The following PRKG1 variants were observed in gnomAD, a reference collection of about 807,000 sequenced individuals.
The protein encoded by PRKG1 is protein kinase cGMP-dependent 1, also known as cGMP-dependent protein kinase 1.
A neutral mutation model predicts 88.1 loss-of-function variants in PRKG1; 35 were observed. The ratio of observed to expected loss-of-function variants is 0.40; its 90% CI spans 0.30 to 0.53. The LOEUF (loss-of-function observed/expected upper bound fraction) is 0.53. Among genes scored for constraint, PRKG1 ranks in the 20% least tolerant of loss-of-function variants. The pLI is 0.59. For missense variants in PRKG1, 540 were observed against 839.8 expected, an observed-to-expected ratio of 0.64 and a Z score of 4.41; for synonymous variants, 303 against 292.5, an observed-to-expected ratio of 1.04 and a Z score of -0.37.
chr10:51,891,758 T>C (rs1841727648), intron 4 of PRKG1, among the ~76,000 whole-genome samples: 1 of 152,192 alleles, frequency 6.6e-6, no homozygotes, highest in African/African-American at 2.4e-5. Context: ...AAAGCAGACA[T>C]AGATAATACA....
intron 3 of PRKG1, among the ~76,000 whole-genome samples, chr10:51,774,536 T>A (rs1349679578): frequency 6.6e-6 from 1 of 152,122 alleles, no homozygotes; most frequent in Non-Finnish European, 1.5e-5. Context: ...GTAATGGGTT[T>A]TTTTAAGAGT....
chr10:52,117,173 T>TGTGTGTGC (rs891460166), intron 7 of PRKG1, among the ~76,000 whole-genome samples: 10 of 147,086 alleles, frequency 6.8e-5, no homozygotes, highest in African/African-American at 2.5e-4. Context: ...TCTGTGTGTG[T>TGTGTGTGC]GTGTGTGTGT....
intron 1 of PRKG1, among the ~76,000 whole-genome samples, chr10:50,996,018 C>G (rs1052916027): frequency 1.1e-4 from 16 of 152,248 alleles, no homozygotes; most frequent in African/African-American, 3.9e-4. Flanking sequence ...CTTATATAAG[C>G]AAGGTCAATG....
chr10:51,922,085 TGATA>T (rs1209819678), intron 5 of PRKG1, among the ~76,000 whole-genome samples: 1 of 151,936 alleles, frequency 6.6e-6, no homozygotes, highest in Non-Finnish European at 1.5e-5. Context: ...TTAGTTTCTT[TGATA>T]GATAAAGGAC....
At chr10:52,157,874 G>A (rs1276949655) in intron 8 of PRKG1, among the ~76,000 whole-genome samples, 1 of 151,352 alleles carries the variant, frequency 6.6e-6, no homozygotes, top group African/African-American at 2.4e-5. Context: ...AAACATGAAA[G>A]GGATTTCCCA....
At position 52,054,567 on chromosome 10, in the gene PRKG1, C is replaced by G. The variant is rs2133254762; in HGVS notation, c.840+6C>G. ...TTATCATCAGCAAAGGAACGGTAAG[C>G]TTTGGTGGCACAAGACAGTGATGCA... On this transcript the variant is annotated splice_donor_region_variant and intron_variant, in intron 6 of 17. Coordinates refer to ENST00000373980, the MANE Select transcript of PRKG1 (RefSeq NM_006258.4). 1 of 1,613,046 alleles carries G rather than the reference C, an allele frequency of 6.2e-7. No homozygotes were observed. The highest frequency in any genetic ancestry group is 8.5e-7 in the Non-Finnish European group (1 of 1,179,248).
chr10:52,026,465 T>C (rs4935305), intron 5 of PRKG1, among the ~76,000 whole-genome samples: 112,007 of 152,110 alleles, frequency 0.74, 41,611 homozygotes, highest in East Asian at 0.92. Context: ...AAAGACCATG[T>C]GTTGTATGAT....
intron 5 of PRKG1, among the ~76,000 whole-genome samples, chr10:51,965,287 A>G (rs980532591): frequency 7.2e-5 from 11 of 152,000 alleles, no homozygotes; most frequent in South Asian, 2.1e-4. Flanking sequence ...CTATGTGTCC[A>G]TGTGTTCTCA....
chr10:51,229,641 G>A (rs948080361), intron 2 of PRKG1, among the ~76,000 whole-genome samples: 7 of 152,074 alleles, frequency 4.6e-5, no homozygotes, highest in Non-Finnish European at 8.8e-5. Context: ...CAGAAATTTA[G>A]TAATGGGCCA....
chr10:51,649,966 T>G (rs1390785246), intron 3 of PRKG1, among the ~76,000 whole-genome samples: 2 of 152,168 alleles, frequency 1.3e-5, no homozygotes, highest in African/African-American at 4.8e-5. Context: ...CCCTTTTTAG[T>G]GAAGAGTCCT....
intron 5 of PRKG1, among the ~76,000 whole-genome samples, chr10:52,040,491 T>G (rs1175857424): frequency 6.6e-6 from 1 of 152,226 alleles, no homozygotes; most frequent in African/African-American, 2.4e-5. Context: ...AGTTTTATTC[T>G]GTTGTCAAAT....
intron 2 of PRKG1, among the ~76,000 whole-genome samples, chr10:51,330,430 C>T (rs996401236): frequency 2.6e-5 from 4 of 152,120 alleles, no homozygotes; most frequent in Non-Finnish European, 5.9e-5. Flanking sequence ...GGATTACAGG[C>T]GTGAGCCACC....
intron 3 of PRKG1, among the ~76,000 whole-genome samples, chr10:51,480,404 C>T: frequency 6.6e-6 from 1 of 152,056 alleles, no homozygotes; most frequent in Middle Eastern, 3.2e-3. Flanking sequence ...ACTTAAACTC[C>T]TCAAGAGTGT....
intron 3 of PRKG1, among the ~76,000 whole-genome samples, chr10:51,555,854 C>G (rs1324076057): frequency 6.6e-6 from 1 of 151,958 alleles, no homozygotes; most frequent in Non-Finnish European, 1.5e-5. Context: ...GCAGGACTAG[C>G]TGTTCTCTGA....
intron 3 of PRKG1, among the ~76,000 whole-genome samples, chr10:51,727,808 A>T (rs1014808023): frequency 6.6e-6 from 1 of 152,194 alleles, no homozygotes; most frequent in Non-Finnish European, 1.5e-5. Context: ...GGGAGTTATT[A>T]TATTTTAATA....
intron 5 of PRKG1, among the ~76,000 whole-genome samples, chr10:51,914,862 TCTTA>T (rs1289081231): frequency 6.6e-6 from 1 of 152,204 alleles, no homozygotes; most frequent in East Asian, 1.9e-4. Context: ...AAATAACATT[TCTTA>T]CTTACTAAAT....
intron 3 of PRKG1, among the ~76,000 whole-genome samples, chr10:51,514,869 C>G (rs1316572958): frequency 1.3e-5 from 2 of 152,156 alleles, no homozygotes; most frequent in African/African-American, 4.8e-5. Flanking sequence ...CAGACTTTTA[C>G]ATAAATCTGA....
intron 2 of PRKG1, among the ~76,000 whole-genome samples, chr10:51,297,466 TA>T (rs1840750218): frequency 6.6e-6 from 1 of 152,150 alleles, no homozygotes; most frequent in Non-Finnish European, 1.5e-5. Context: ...TGGATTTTCA[TA>T]TTATAATTTT....
chr10:51,972,881 T>C (rs1843742917), intron 5 of PRKG1, among the ~76,000 whole-genome samples: 1 of 152,122 alleles, frequency 6.6e-6, no homozygotes, highest in African/African-American at 2.4e-5. Context: ...TGCCACTTCA[T>C]TGGAAATGTC....
Sources: allele counts gnomAD v4.1 joint callset (sites outside exome capture counted in the v4.1 genomes callset), GRCh38; gene constraint gnomAD v4.1.1; transcripts MANE v1.5; gene names NCBI Gene and HGNC (gene_info 2026-07-23, HGNC 2026-07-21).